CSMD1: variants seen among roughly 807,000 people sequenced by gnomAD.
CSMD1 encodes CUB and Sushi multiple domains 1.
A neutral mutation model predicts 417.5 loss-of-function variants in CSMD1; 213 were observed. The observed-to-expected ratio is 0.51, with a 90% CI of 0.46 to 0.57. CSMD1 has a LOEUF of 0.57. CSMD1 is among the 20% of genes least tolerant of loss of function. CSMD1 has a pLI of 0.00. For missense variants in CSMD1, 6,923 were observed against 4,529.7 expected, an observed-to-expected ratio of 1.53 and a Z score of -15.17; for synonymous variants, 2,862 against 1,736.8, an observed-to-expected ratio of 1.65 and a Z score of -16.11.
At chr8:3,988,290 A>G (rs1351278360) in intron 5 of CSMD1, among the ~76,000 whole-genome samples, 1 of 152,190 alleles carries the variant, frequency 6.6e-6, no homozygotes, top group Non-Finnish European at 1.5e-5. Context: ...TATAAACATC[A>G]CACAGGATTT....
intron 2 of CSMD1, among the ~76,000 whole-genome samples, chr8:4,622,015 G>C (rs1274920807): frequency 3.3e-5 from 5 of 151,894 alleles, no homozygotes; most frequent in Admixed American, 6.6e-5. Context: ...ACTAATGATA[G>C]GAAACTTTCT....
intron 57 of CSMD1, among the ~76,000 whole-genome samples, chr8:2,972,472 G>A (rs904557923): frequency 3.9e-5 from 6 of 152,046 alleles, no homozygotes; most frequent in Non-Finnish European, 8.8e-5. Context: ...TTTGAACTCC[G>A]AATACATGGT....
chr8:4,001,251 G>C (rs886163532), intron 4 of CSMD1, among the ~76,000 whole-genome samples: 3 of 152,162 alleles, frequency 2.0e-5, no homozygotes, highest in African/African-American at 7.2e-5. Context: ...ACCTTGACCA[G>C]AAGTGAATTT....
chr8:4,376,263 C>G (rs1014390039), intron 3 of CSMD1, among the ~76,000 whole-genome samples: 8 of 152,134 alleles, frequency 5.3e-5, no homozygotes, highest in African/African-American at 1.9e-4. Flanking sequence ...AGCATTTTCT[C>G]TGATGGTAAG....
chr8:3,327,192 G>A (rs1006084281), intron 23 of CSMD1, among the ~76,000 whole-genome samples: 1 of 151,358 alleles, frequency 6.6e-6, no homozygotes, highest in Non-Finnish European at 1.5e-5. Flanking sequence ...CCAGGCTGGA[G>A]TGTGCAGTGG....
chr8:3,511,171 G>T (rs1397296048), intron 10 of CSMD1, among the ~76,000 whole-genome samples: 1 of 151,744 alleles, frequency 6.6e-6, no homozygotes, highest in East Asian at 1.9e-4. Context: ...ATAAGTGGGA[G>T]TTGAACAATG....
chr8:3,941,200 G>T (rs953055699), intron 5 of CSMD1, among the ~76,000 whole-genome samples: 1 of 152,062 alleles, frequency 6.6e-6, no homozygotes, highest in Non-Finnish European at 1.5e-5. Flanking sequence ...TTTAAATTGT[G>T]CTAGAGAACA....
intron 5 of CSMD1, among the ~76,000 whole-genome samples, chr8:3,834,696 C>G (rs1243460569): frequency 1.3e-5 from 2 of 151,684 alleles, no homozygotes; most frequent in African/African-American, 2.4e-5. Flanking sequence ...TAGTTGGTGT[C>G]AAAAGTCTTG....
At chr8:4,313,489 G>A (rs1014792230) in intron 3 of CSMD1, among the ~76,000 whole-genome samples, 1 of 136,630 alleles carries the variant, frequency 7.3e-6, no homozygotes, top group Non-Finnish European at 1.5e-5. Context: ...AGCTCCCAAA[G>A]GTCTTACATG....
intron 3 of CSMD1, among the ~76,000 whole-genome samples, chr8:4,392,489 A>G (rs1489251837): frequency 6.6e-6 from 1 of 152,176 alleles, no homozygotes; most frequent in Non-Finnish European, 1.5e-5. Context: ...CTCCTGAGCC[A>G]AAGAAAAGGT....
At chr8:3,185,361 C>CT (rs1232075555) in intron 36 of CSMD1, among the ~76,000 whole-genome samples, 1 of 152,108 alleles carries the variant, frequency 6.6e-6, no homozygotes, top group Non-Finnish European at 1.5e-5. Context: ...GTGGTCACTT[C>CT]TTTTTTTCAC....
intron 52 of CSMD1, among the ~76,000 whole-genome samples, chr8:3,006,616 C>T (rs1441089847): frequency 6.6e-6 from 1 of 150,788 alleles, no homozygotes; most frequent in Non-Finnish European, 1.5e-5. Flanking sequence ...AGAAATAATG[C>T]CGCATATCTA....
intron 33 of CSMD1, among the ~76,000 whole-genome samples, chr8:3,196,855 C>T (rs545643831): frequency 9.9e-5 from 15 of 152,230 alleles, no homozygotes; most frequent in African/African-American, 2.6e-4. Flanking sequence ...GTTCATTCAA[C>T]GGCACGAAAC....
intron 7 of CSMD1, among the ~76,000 whole-genome samples, chr8:3,618,639 T>C (rs1464414693): frequency 1.3e-5 from 2 of 152,188 alleles, no homozygotes; most frequent in East Asian, 3.9e-4. Flanking sequence ...TCCAGACCTG[T>C]ATTTCCCTAT....
chr8:3,409,230 T>G (rs1209426377), intron 13 of CSMD1, among the ~76,000 whole-genome samples, 193 bp downstream of exon 13: 1 of 152,198 alleles, frequency 6.6e-6, no homozygotes, highest in Non-Finnish European at 1.5e-5. Context: ...AACTATAAAT[T>G]AGTTTTTACT....
At chr8:3,057,226 A>T (rs987728473) in intron 49 of CSMD1, among the ~76,000 whole-genome samples, 1 of 152,214 alleles carries the variant, frequency 6.6e-6, no homozygotes, top group African/African-American at 2.4e-5. Flanking sequence ...GTAATAATTG[A>T]ATTTCATAAA....
intron 5 of CSMD1, among the ~76,000 whole-genome samples, chr8:3,898,850 T>C (rs975097085): frequency 1.3e-5 from 2 of 152,198 alleles, no homozygotes; most frequent in Non-Finnish European, 2.9e-5. Flanking sequence ...TCTCAGGACA[T>C]AGCTGATAGC....
intron 1 of CSMD1, among the ~76,000 whole-genome samples, chr8:4,779,674 T>C (rs117334950): frequency 1.4e-4 from 22 of 152,262 alleles, no homozygotes; most frequent in Middle Eastern, 3.4e-3. Context: ...ATAGTCTCCA[T>C]TGCAACATTT....
chr8:4,574,515 C>T (rs1244146074), intron 2 of CSMD1, among the ~76,000 whole-genome samples: 2 of 152,166 alleles, frequency 1.3e-5, no homozygotes, highest in African/African-American at 2.4e-5. Flanking sequence ...GCAGAAATCA[C>T]CCGCCTTCTG....
Sources: allele counts gnomAD v4.1 joint callset (sites outside exome capture counted in the v4.1 genomes callset), GRCh38; gene constraint gnomAD v4.1.1; transcripts MANE v1.5; gene names NCBI Gene and HGNC (gene_info 2026-07-23, HGNC 2026-07-21).